The following CUX1 variants were observed in gnomAD, a reference collection of about 807,000 sequenced individuals.
The protein encoded by CUX1 is cut like homeobox 1, also known as protein CASP.
A neutral mutation model predicts 158.8 loss-of-function variants in CUX1; 31 were observed. That is an observed-to-expected ratio of 0.20 (90% confidence interval 0.15 to 0.26). The LOEUF is 0.26. Among genes scored for constraint, CUX1 ranks in the 10% least tolerant of loss-of-function variants. The pLI is 1.00. For missense variants in CUX1, 1,589 were observed against 2,014.6 expected (o/e 0.79, Z 4.04); for synonymous variants, 879 against 862.1 (o/e 1.02, Z -0.34).
At chr7:101,958,771 G>A in intron 2 of CUX1, among the ~76,000 whole-genome samples, 1 of 149,898 alleles carries the variant, frequency 6.7e-6, no homozygotes, top group East Asian at 2.0e-4. Flanking sequence ...TGAGCCACTG[G>A]CCAGTCCTGA....
At chr7:102,194,221 G>C in intron 13 of CUX1, 2 of 314,570 alleles carry the variant, frequency 6.4e-6, no homozygotes, top group Non-Finnish European at 5.9e-6. Flanking sequence ...AGAAAAGCTA[G>C]TGTTTTCCAA....
intron 2 of CUX1, among the ~76,000 whole-genome samples, chr7:102,006,325 G>A (rs895188582): frequency 6.6e-6 from 1 of 152,144 alleles, no homozygotes; most frequent in South Asian, 2.1e-4. Flanking sequence ...CCACGCCTCA[G>A]TGCTCCCTCG....
intron 2 of CUX1, among the ~76,000 whole-genome samples, chr7:101,924,218 G>A (rs763311262): frequency 1.1e-4 from 16 of 152,110 alleles, no homozygotes; most frequent in Non-Finnish European, 2.2e-4. Context: ...TTTCACTCTC[G>A]GTGAGAAAAG....
In CUX1 at chr7:102,253,872, G is replaced by A; in HGVS notation, c.*4830G>A. The A allele has an allele frequency of 1.0e-6, 1 of 985,728 alleles. No individual in the cohort carries two copies. The highest frequency in any genetic ancestry group is 4.7e-5 in the South Asian group (1 of 21,298). 61.1% of individuals were successfully genotyped at this position (985,728 alleles called of 1,614,324 possible). On this transcript the variant is annotated 3_prime_UTR_variant, in exon 24 of 24. Coordinates refer to ENST00000292535, the MANE Select transcript of CUX1 (RefSeq NM_181552.4). ...AGGTTTGGCTCCTGTGCTGCCGGTG[G>A]GGGGCCCTGTCCCTCCCCAGATGTC...
intron 23 of CUX1, among the ~76,000 whole-genome samples, chr7:102,240,868 T>G (rs1299123311): frequency 6.6e-6 from 1 of 152,168 alleles, no homozygotes; most frequent in African/African-American, 2.4e-5. Context: ...TCGCCCAGGT[T>G]GGAGTGCAGT....
At chr7:102,224,900 T>A (rs1470784479) in intron 20 of CUX1, among the ~76,000 whole-genome samples, 1 of 152,136 alleles carries the variant, frequency 6.6e-6, no homozygotes, top group Admixed American at 6.6e-5. Context: ...TGAAGAGAAA[T>A]CTGTTTATCA....
Position 102,249,192 on chromosome 7 carries a change from C to T in CUX1, c.*150C>T. ...GACCTGAGCCCGCAGCCCAGACCCC[C>T]TCCACGGTCCGCGGCCTGCACCGAC... On this transcript the variant is annotated 3_prime_UTR_variant, in exon 24 of 24. Coordinates refer to ENST00000292535, the MANE Select transcript of CUX1 (RefSeq NM_181552.4). 7 of 1,124,820 alleles carry T rather than the reference C, an allele frequency of 6.2e-6. No individual in the cohort carries two copies. The highest frequency in any genetic ancestry group is 7.6e-6 in the Non-Finnish European group (7 of 917,306). The allele number at this position is 1,124,820 out of a possible 1,614,324, so 69.7% of individuals were successfully genotyped here. A position where few individuals can be genotyped will look rare whatever the true frequency, so the allele number is the denominator to read the frequency against.
intron 2 of CUX1, among the ~76,000 whole-genome samples, chr7:101,975,630 A>G (rs904441071): frequency 7.2e-5 from 11 of 152,132 alleles, no homozygotes; most frequent in African/African-American, 2.7e-4. Context: ...TCTTCCTCCA[A>G]ACCTCACTAA....
At chr7:102,193,263 G>C (rs1437786062) in intron 12 of CUX1, among the ~76,000 whole-genome samples, 1 of 152,142 alleles carries the variant, frequency 6.6e-6, no homozygotes, top group East Asian at 1.9e-4. Flanking sequence ...CATTCCACTT[G>C]CAACAATGTT....
At chr7:101,855,496 T>C (rs1796674797) in intron 1 of CUX1, among the ~76,000 whole-genome samples, 1 of 152,216 alleles carries the variant, frequency 6.6e-6, no homozygotes, top group Non-Finnish European at 1.5e-5. Context: ...GATGATGCAA[T>C]GGAAGAGTCT....
At chr7:102,104,580 A>C in intron 6 of CUX1, 121 bp downstream of exon 6, 3 of 1,315,090 alleles carry the variant, frequency 2.3e-6, no homozygotes, top group South Asian at 1.4e-5. Flanking sequence ...CAAATCTATA[A>C]GGGGTAAAAT....
At chr7:101,881,763 T>C (rs1459389973) in intron 1 of CUX1, among the ~76,000 whole-genome samples, 1 of 152,226 alleles carries the variant, frequency 6.6e-6, no homozygotes, top group Non-Finnish European at 1.5e-5. Flanking sequence ...TTTCTGTCAC[T>C]TGGGCATCCA....
At chr7:102,213,490 C>T (rs1036423142) in intron 20 of CUX1, among the ~76,000 whole-genome samples, 3 of 152,198 alleles carry the variant, frequency 2.0e-5, no homozygotes, top group Admixed American at 6.5e-5. Context: ...TCGTTCTTCC[C>T]GTCGCTTTCC....
At chr7:102,028,345 G>C (rs1002429664) in intron 3 of CUX1, among the ~76,000 whole-genome samples, 200 bp downstream of exon 3, 15 of 152,194 alleles carry the variant, frequency 9.9e-5, no homozygotes, top group African/African-American at 3.6e-4. Flanking sequence ...TCCTGGAAAA[G>C]GAAGCTATGC....
intron 3 of CUX1, among the ~76,000 whole-genome samples, chr7:102,069,112 TCCTCGACAC>T (rs1388064035): frequency 6.6e-6 from 1 of 152,088 alleles, no homozygotes; most frequent in East Asian, 1.9e-4. Flanking sequence ...CCTCTCCTCC[TCCTCGACAC>T]CCACAACCAC....
intron 1 of CUX1, chr7:101,913,320 A>G: frequency 1.6e-6 from 2 of 1,261,860 alleles, no homozygotes; most frequent in Non-Finnish European, 2.1e-6. Context: ...TGGGTTTCCC[A>G]TGCCGACCTG....
intron 2 of CUX1, among the ~76,000 whole-genome samples, chr7:102,011,861 G>A (rs764557731): frequency 1.3e-5 from 2 of 151,908 alleles, no homozygotes; most frequent in Non-Finnish European, 2.9e-5. Flanking sequence ...TTTCGGTCTT[G>A]TCACCCAGGC....
chr7:102,080,260 C>T (rs1421396439), intron 4 of CUX1, among the ~76,000 whole-genome samples: 13 of 152,162 alleles, frequency 8.5e-5, no homozygotes, highest in African/African-American at 3.1e-4. Flanking sequence ...TGGAGAGGTG[C>T]GTCGTTTGTG....
chr7:101,819,393 G>T (rs536462241), intron 1 of CUX1, among the ~76,000 whole-genome samples: 28 of 152,306 alleles, frequency 1.8e-4, no homozygotes, highest in African/African-American at 6.7e-4. Context: ...TTCCCTTTGG[G>T]ACATTATTCC....
Sources: allele counts gnomAD v4.1 joint callset (sites outside exome capture counted in the v4.1 genomes callset), GRCh38; gene constraint gnomAD v4.1.1; transcripts MANE v1.5; gene names NCBI Gene and HGNC (gene_info 2026-07-23, HGNC 2026-07-21).